LIN54: variants seen among roughly 807,000 people sequenced by gnomAD.
LIN54 encodes lin-54 DREAM MuvB core complex component.
Under a neutral mutation model 78.7 loss-of-function variants are expected in LIN54, and 9 were observed. The observed-to-expected ratio is 0.11, with a 90% CI of 0.07 to 0.20. LIN54 has a LOEUF of 0.20. LIN54 is among the 10% of genes least tolerant of loss of function. LIN54 has a pLI of 1.00. For synonymous variants in LIN54, 269 were observed against 318.4 expected (o/e 0.84, Z 1.65); for missense variants, 573 against 889.9 (o/e 0.64, Z 4.53).
chr4:82,971,045 G>A (rs1725607663), intron 3 of LIN54, among the ~76,000 whole-genome samples: 1 of 152,088 alleles, frequency 6.6e-6, no homozygotes, highest in Non-Finnish European at 1.5e-5. Context: ...GACCCTTCAG[G>A]AACAACCATG....
chr4:82,989,448 A>G (rs150732348), intron 1 of LIN54, among the ~76,000 whole-genome samples: 16 of 152,222 alleles, frequency 1.1e-4, no homozygotes, highest in African/African-American at 3.4e-4. Context: ...AATATACAAC[A>G]AAGGGCTCCA....
At chr4:82,959,408 T>C (rs1187559104) in intron 4 of LIN54, among the ~76,000 whole-genome samples, 1 of 152,004 alleles carries the variant, frequency 6.6e-6, no homozygotes, top group African/African-American at 2.4e-5. Context: ...GGCAAGAGGA[T>C]TGCTTCAATC....
intron 4 of LIN54, among the ~76,000 whole-genome samples, chr4:82,951,422 CAGA>C (rs1315393650): frequency 3.3e-5 from 5 of 152,060 alleles, no homozygotes; most frequent in Admixed American, 6.6e-5. Context: ...GTAGCAGCCA[CAGA>C]AGGAGTCCAA....
rs1721631641 is a variant in LIN54, at chr4:82,928,112, A to G, written c.2240T>C (p.Met747Thr). Residue 747 changes from methionine (M) to threonine (T), a missense_variant, in exon 13 of 13, where the codon ATG becomes ACG. Coordinates refer to ENST00000340417, the MANE Select transcript of LIN54 (RefSeq NM_194282.4). The stretch of plus-strand genomic sequence containing the variant: ...TCTTTTGTGCAAGAGTTAGCAATTC[A>G]TGGCACAAGGGTCACTTTTTGCCTT... ...AGKAKSDPCA[M>T]NC is the part of the protein sequence containing the mutation. 13 of 1,614,086 alleles carry G rather than the reference A, an allele frequency of 8.1e-6. No homozygotes were observed. The highest frequency in any genetic ancestry group is 9.3e-6 in the Non-Finnish European group (11 of 1,179,888).
At chr4:82,961,871 G>A (rs1014325940) in intron 4 of LIN54, among the ~76,000 whole-genome samples, 9 of 151,620 alleles carry the variant, frequency 5.9e-5, no homozygotes, top group South Asian at 2.1e-4. Flanking sequence ...CAGGAGGATC[G>A]CTTGAACCCT....
In LIN54 at chr4:82,976,869, G is replaced by A. The variant is rs143616506; in HGVS notation, c.808+2014C>T. ...AAAGGTTATAAAGAACTAGTTAAAA[G>A]TAGAAATTATCCCTCCAAACTGAAC... On this transcript the variant is annotated intron_variant, in intron 3 of 12. Coordinates refer to ENST00000340417, the MANE Select transcript of LIN54 (RefSeq NM_194282.4). 3.7e-3 allele frequency among the ~76,000 whole-genome samples: 556 copies of A among 152,236 alleles called. 1 individual carries two copies. Among genetic ancestry groups the A allele is most frequent in the African/African-American group, 0.013 (527 of 41,538 alleles).
intron 4 of LIN54, among the ~76,000 whole-genome samples, chr4:82,950,786 T>C (rs1723786142): frequency 6.6e-6 from 1 of 152,142 alleles, no homozygotes; most frequent in Non-Finnish European, 1.5e-5. Context: ...TTTAAGATAA[T>C]TTCTTGGATC....
chr4:82,943,375 C>G (rs1723096496), intron 5 of LIN54, among the ~76,000 whole-genome samples: 2 of 152,060 alleles, frequency 1.3e-5, no homozygotes, highest in African/African-American at 4.8e-5. Flanking sequence ...CATGGTGGAG[C>G]CTTTGAACAT....
At chr4:82,976,436 G>A (rs977209669) in intron 3 of LIN54, among the ~76,000 whole-genome samples, 6 of 151,946 alleles carry the variant, frequency 3.9e-5, no homozygotes, top group Non-Finnish European at 8.8e-5. Flanking sequence ...CTAGCAGGGC[G>A]CAGTGGCTCA....
chr4:82,956,814 G>A (rs1435445958), intron 4 of LIN54, among the ~76,000 whole-genome samples: 1 of 151,930 alleles, frequency 6.6e-6, no homozygotes, highest in Non-Finnish European at 1.5e-5. Flanking sequence ...ATAGAGACAG[G>A]GTCTCACTAT....
rs1196990449 is a variant in LIN54, at chr4:83,001,974, G to A, written c.-33+8510C>T. Among the ~76,000 whole-genome samples the A allele has an allele frequency of 2.9e-3, 67 of 23,488 alleles. 24 individuals carry two copies. Among genetic ancestry groups the A allele is most frequent in the African/African-American group, 6.6e-3 (63 of 9,566 alleles). 15.4% of individuals were successfully genotyped at this position (23,488 alleles called of 152,430 possible). A position where few individuals can be genotyped will look rare whatever the true frequency, so the allele number is the denominator to read the frequency against. ...AGGAAGGAAGGAAGGAAGGAAGGAA[G>A]GAAGGGAGGGATCTTGGAGAAATTC... On this transcript the variant is annotated intron_variant, in intron 1 of 12. Coordinates refer to ENST00000340417, the MANE Select transcript of LIN54 (RefSeq NM_194282.4).
At chr4:82,983,411 T>A (rs1311644807) in intron 2 of LIN54, among the ~76,000 whole-genome samples, 1 of 152,190 alleles carries the variant, frequency 6.6e-6, no homozygotes, top group Non-Finnish European at 1.5e-5. Context: ...CCTTCTTTCT[T>A]AGGGTCCTAT....
At chr4:82,972,067 G>A (rs964803670) in intron 3 of LIN54, among the ~76,000 whole-genome samples, 1 of 152,014 alleles carries the variant, frequency 6.6e-6, no homozygotes, top group African/African-American at 2.4e-5. Flanking sequence ...GTTTTGTTTT[G>A]TTTTGAGACA....
intron 1 of LIN54, among the ~76,000 whole-genome samples, chr4:83,000,950 T>C (rs572819290): frequency 7.1e-4 from 108 of 151,218 alleles, no homozygotes; most frequent in African/African-American, 2.4e-3. Context: ...CCCAAATAGC[T>C]GGGATCAAAG....
At chr4:82,975,928 GAA>G (rs1322734174) in intron 3 of LIN54, among the ~76,000 whole-genome samples, 1 of 152,176 alleles carries the variant, frequency 6.6e-6, no homozygotes, top group Admixed American at 6.5e-5. Context: ...AATGATCAGA[GAA>G]AGAGTATCTG....
In LIN54 at chr4:82,929,991, A is replaced by G. The variant is rs112012099; in HGVS notation, c.2048+952T>C. Among the ~76,000 whole-genome samples, 795 of 152,164 alleles carry G rather than the reference A, an allele frequency of 5.2e-3. 5 individuals carry two copies. Among genetic ancestry groups the G allele is most frequent in the African/African-American group, 0.019 (771 of 41,534 alleles). On this transcript the variant is annotated intron_variant, in intron 12 of 12. Transcript: ENST00000340417. ...TGGCTCACTGCAACCTCTGCCTCCC[A>G]GGCTCAAGCGATTCTCCTGCGTCAG...
chr4:82,981,954 A>C (rs868430736), intron 2 of LIN54, among the ~76,000 whole-genome samples: 32 of 152,208 alleles, frequency 2.1e-4, no homozygotes, highest in African/African-American at 7.7e-4. Flanking sequence ...GGAGCATTTG[A>C]GCTTGGGGGG....
chr4:82,972,809 C>T (rs1280426500), intron 3 of LIN54, among the ~76,000 whole-genome samples: 1 of 151,922 alleles, frequency 6.6e-6, no homozygotes, highest in East Asian at 1.9e-4. Context: ...GGTGAAACCC[C>T]GTCTCTACTA....
intron 2 of LIN54, 118 bp downstream of exon 2, chr4:82,984,043 A>C: frequency 1.4e-6 from 1 of 712,486 alleles, no homozygotes; most frequent in Non-Finnish European, 2.3e-6. Context: ...TACATAAAAC[A>C]ACATTCAAAA....
Sources: gnomAD v4.1 joint callset for allele counts (sites outside exome capture counted in the v4.1 genomes callset) on GRCh38, gnomAD v4.1.1 for gene constraint, MANE v1.5 for transcripts, NCBI Gene and HGNC (gene_info 2026-07-23, HGNC 2026-07-21) for gene names.